PPARA: variants seen among roughly 807,000 people sequenced by gnomAD.
PPARA encodes the protein peroxisome proliferator activated receptor alpha.
A neutral mutation model predicts 42.2 loss-of-function variants in PPARA; 22 were observed. The ratio of observed to expected loss-of-function variants is 0.52; its 90% CI spans 0.37 to 0.74. The LOEUF (loss-of-function observed/expected upper bound fraction) is 0.74, where lower values mean the gene tolerates loss of function less well. Ranked by LOEUF, PPARA falls within the 30% of genes least tolerant of loss-of-function variation. The pLI, the probability that PPARA is intolerant of heterozygous loss-of-function variation, is 0.00. For missense variants in PPARA, 465 were observed against 608.2 expected, an observed-to-expected ratio of 0.76 and a Z score of 2.48; for synonymous variants, 242 against 239.3, an observed-to-expected ratio of 1.01 and a Z score of -0.10.
At position 46,215,218 on chromosome 22, in the gene PPARA, T is replaced by C. The variant is rs540063780; in HGVS notation, c.254T>C (p.Val85Ala). 3.1e-6 allele frequency: 5 copies of C among 1,614,162 alleles called. No homozygotes were observed. In the South Asian group the frequency reaches 5.5e-5, roughly 18 times the overall value. ...AGCCCCTCCTCGGTGACTTATCCTG[T>C]GGTCCCCGGCAGCGTGGACGAGTCT... ...ASSPSSVTYP[V>A]VPGSVDESPS... The change falls in exon 5 of 9, where the codon GTG (valine) becomes GCG (alanine). Residue 85 changes from valine to alanine, a missense_variant. Physicochemically the swap from Val to Ala is moderately conservative, Grantham distance 64 (BLOSUM62 0). Coordinates refer to ENST00000407236, the MANE Select transcript of PPARA (RefSeq NM_005036.6).
At position 46,235,853 on chromosome 22, in the gene PPARA, T is replaced by G. The variant is rs935544151; in HGVS notation, c.*473T>G. On this transcript the variant is annotated 3_prime_UTR_variant, in exon 9 of 9. Transcript: ENST00000407236. The surrounding 1 kb of genome is among the most constrained non-coding windows in gnomAD (Gnocchi z 7.0). ...TCTAGATGTATCCAAAGGTGAAGTA[T>G]GTAAAAAGCAGCAAAATATTTATTT... The G allele has an allele frequency of 5.9e-6, 1 of 169,412 alleles. No individual in the cohort carries two copies. The highest frequency in any genetic ancestry group is 5.6e-5 in the Admixed American group (1 of 17,808). The allele number at this position is 169,412 out of a possible 1,614,324, so 10.5% of individuals were successfully genotyped here.
Position 46,235,394 on chromosome 22 carries a change from A to C in PPARA, c.*14A>C. 2 of 1,612,730 alleles carry C rather than the reference A, an allele frequency of 1.2e-6. No individual in the cohort carries two copies. The highest frequency in any genetic ancestry group is 1.7e-6 in the Non-Finnish European group (2 of 1,179,682). ...GACATGTACTGAGTTCCTTCAGATC[A>C]GCCACACCTTTTCCAGGAGTTCTGA... On this transcript the variant is annotated 3_prime_UTR_variant, in exon 9 of 9. Coordinates refer to ENST00000407236, the MANE Select transcript of PPARA (RefSeq NM_005036.6). The surrounding 1 kb of genome is among the most constrained non-coding windows in gnomAD (Gnocchi z 7.0).
At chr22:46,158,636 C>G (rs1473947360) in intron 2 of PPARA, among the ~76,000 whole-genome samples, 1 of 152,124 alleles carries the variant, frequency 6.6e-6, no homozygotes, top group Non-Finnish European at 1.5e-5. Flanking sequence ...ACATGCAAAT[C>G]TTGATGATCT....
At position 46,232,239 on chromosome 22, in the gene PPARA, G is replaced by A. The variant is rs1224952928; in HGVS notation, c.1159G>A (p.Asp387Asn). 6.2e-7 allele frequency: 1 copy of A among 1,613,956 alleles called. No individual in the cohort carries two copies. Residue 387 changes from aspartate (D) to asparagine (N), a missense_variant and splice_region_variant, in exon 8 of 9, where the codon GAT becomes AAT. Around this residue, in one of 2 missense-constraint regions of PPARA, gnomAD observed 313 missense variants for 469.1 expected, o/e 0.67. Coordinates refer to ENST00000407236, the MANE Select transcript of PPARA (RefSeq NM_005036.6). The surrounding 1 kb of genome is among the most constrained non-coding windows in gnomAD (Gnocchi z 5.3). ...TGTGGCTGCTATCATTTGCTGTGGA[G>A]GTGAGTGGTTGATTTAATCTGCTGG... ...LFVAAIICCG[D>N]RPGLLNVGHI... is the part of the protein sequence containing the mutation.
chr22:46,153,130 G>C (rs1177417062), intron 2 of PPARA, among the ~76,000 whole-genome samples: 1 of 139,282 alleles, frequency 7.2e-6, no homozygotes, highest in Non-Finnish European at 1.6e-5. Context: ...ATTGACATTA[G>C]AAAAAAATGT....
chr22:46,184,014 C>T lies in PPARA; in HGVS notation c.-43+7178C>T, dbSNP rs1213363810. 1.3e-5 allele frequency among the ~76,000 whole-genome samples: 2 copies of T among 152,064 alleles called. No individual in the cohort carries two copies. The highest frequency in any genetic ancestry group is 2.4e-5 in the African/African-American group (1 of 41,404). ...AAGTAAACATAATGATAATGCCTGC[C>T]TCATGGGGTTGCTGTTACCAGGAAG... On this transcript the variant is annotated intron_variant, in intron 3 of 8. Transcript: ENST00000407236. The surrounding 1 kb of genome is among the most constrained non-coding windows in gnomAD (Gnocchi z 4.4).
At chr22:46,157,348 C>T (rs911634645) in intron 2 of PPARA, among the ~76,000 whole-genome samples, 4 of 152,134 alleles carry the variant, frequency 2.6e-5, no homozygotes, top group Admixed American at 2.0e-4. Flanking sequence ...GTGCAGACAG[C>T]GGCACCTACG....
In PPARA at chr22:46,180,808, C is replaced by T. The variant is rs766820526; in HGVS notation, c.-43+3972C>T. On this transcript the variant is annotated intron_variant, in intron 3 of 8. Transcript: ENST00000407236. This position sits in a 1 kb window ranked among gnomAD's most constrained non-coding sequence, Gnocchi z 4.2. ...TTTCCCACTACATTTTCTGGGGGCT[C>T]GTCCGGGATTGGAGATGGCAGATTT... Among the ~76,000 whole-genome samples the T allele has an allele frequency of 2.0e-5, 3 of 152,140 alleles. No individual in the cohort carries two copies. Among genetic ancestry groups the T allele is most frequent in the African/African-American group, 4.8e-5 (2 of 41,428 alleles).
In PPARA at chr22:46,216,789, G is replaced by A. The variant is rs916565750; in HGVS notation, c.369+1456G>A. ...GTCCTGCATGCTGCCAGCTGGACTG[G>A]TGGCCCTTCCGTGTTTGTCAGCGTG... On this transcript the variant is annotated intron_variant, in intron 5 of 8. Transcript: ENST00000407236. The surrounding 1 kb of genome is among the most constrained non-coding windows in gnomAD (Gnocchi z 4.5). Among the ~76,000 whole-genome samples, 2 of 152,194 alleles carry A rather than the reference G, an allele frequency of 1.3e-5. No homozygotes were observed. Among genetic ancestry groups the A allele is most frequent in the Admixed American group, 1.3e-4 (2 of 15,272 alleles).
In PPARA at chr22:46,200,949, C is replaced by T. The variant is rs985655491; in HGVS notation, c.208+2358C>T. ...AAAAAAAAGTTGGGGCGTGGTGGCTCATGCCTGTAATCCCAGCACTTTGGG... is the reference window on the plus strand; with the variant it reads ...AAAAAAAAGTTGGGGCGTGGTGGCTTATGCCTGTAATCCCAGCACTTTGGG... On this transcript the variant is annotated intron_variant, in intron 4 of 8. Transcript: ENST00000407236. This position sits in a 1 kb window ranked among gnomAD's most constrained non-coding sequence, Gnocchi z 4.8. Among the ~76,000 whole-genome samples, 1 of 151,544 alleles carries T rather than the reference C, an allele frequency of 6.6e-6. No homozygotes were observed. The highest frequency in any genetic ancestry group is 6.6e-5 in the Admixed American group (1 of 15,202).
In PPARA at chr22:46,182,224, A is replaced by T. The variant is rs1930064723; in HGVS notation, c.-43+5388A>T. ...CTCCTAAGTATTTGGCCAAGAAAAA[A>T]GAAAGCATATATTCCATACAGAGTC... On this transcript the variant is annotated intron_variant, in intron 3 of 8. Coordinates refer to ENST00000407236, the MANE Select transcript of PPARA (RefSeq NM_005036.6). The surrounding 1 kb of genome is among the most constrained non-coding windows in gnomAD (Gnocchi z 5.2). Among the ~76,000 whole-genome samples, 1 of 152,214 alleles carries T rather than the reference A, an allele frequency of 6.6e-6. No individual in the cohort carries two copies. Among genetic ancestry groups the T allele is most frequent in the African/African-American group, 2.4e-5 (1 of 41,458 alleles).
intron 4 of PPARA, among the ~76,000 whole-genome samples, chr22:46,208,698 A>G (rs1933632178): frequency 1.3e-5 from 2 of 151,872 alleles, no homozygotes; most frequent in African/African-American, 4.8e-5. Context: ...ACATCTCCCC[A>G]TTCCCTCCCT....
intron 2 of PPARA, among the ~76,000 whole-genome samples, chr22:46,157,370 G>A (rs1054340835): frequency 1.8e-4 from 28 of 152,232 alleles, no homozygotes; most frequent in African/African-American, 5.5e-4. Context: ...ATGATGGCCC[G>A]CTCCATCCCA....
At position 46,203,639 on chromosome 22, in the gene PPARA, GA is replaced by G. The variant is rs1279244079; in HGVS notation, c.208+5055del. Among the ~76,000 whole-genome samples, 1 of 152,148 alleles carries G rather than the reference GA, an allele frequency of 6.6e-6. No homozygotes were observed. The highest frequency in any genetic ancestry group is 2.4e-5 in the African/African-American group (1 of 41,444). Reference sequence around the variant, plus strand: ...GCAGTATTGGGCGAAAAGGAAAAAAGAAAAAAACTCTCAGCAAAGCTAGAGG... The same window carrying G: ...GCAGTATTGGGCGAAAAGGAAAAAAGAAAAAACTCTCAGCAAAGCTAGAGG... On this transcript the variant is annotated intron_variant, in intron 4 of 8. Coordinates refer to ENST00000407236, the MANE Select transcript of PPARA (RefSeq NM_005036.6). The surrounding 1 kb of genome is among the most constrained non-coding windows in gnomAD (Gnocchi z 5.8).
chr22:46,202,580 T>TA (rs1240442936), intron 4 of PPARA, among the ~76,000 whole-genome samples: 5 of 151,896 alleles, frequency 3.3e-5, no homozygotes, highest in East Asian at 1.9e-4. Context: ...CTACTAAAAA[T>TA]AAAAAAAATT....
chr22:46,217,944 C>T (rs1350177438), intron 5 of PPARA, among the ~76,000 whole-genome samples: 2 of 148,352 alleles, frequency 1.3e-5, no homozygotes, highest in African/African-American at 5.0e-5. Flanking sequence ...GATTGTCCTA[C>T]CTCAGCCTCC....
At chr22:46,181,584 G>T (rs1055640901) in intron 3 of PPARA, among the ~76,000 whole-genome samples, 3 of 152,150 alleles carry the variant, frequency 2.0e-5, no homozygotes, top group Admixed American at 1.3e-4. Flanking sequence ...ATGGAATTAA[G>T]TTGTCCCCCC....
rs905239585 is a variant in PPARA, at chr22:46,173,984, T to C, written c.-126-2769T>C. Reference sequence around the variant, plus strand: ...CTTTGGGAGGCCGAGGTGGGTGGATTGTGAGGTCAGGAGATCGAGACCCTC... The same window carrying C: ...CTTTGGGAGGCCGAGGTGGGTGGATCGTGAGGTCAGGAGATCGAGACCCTC... On this transcript the variant is annotated intron_variant, in intron 2 of 8. Coordinates refer to ENST00000407236, the MANE Select transcript of PPARA (RefSeq NM_005036.6). This position sits in a 1 kb window ranked among gnomAD's most constrained non-coding sequence, Gnocchi z 4.3. Among the ~76,000 whole-genome samples the C allele has an allele frequency of 9.3e-6, 1 of 108,100 alleles. No homozygotes were observed. The highest frequency in any genetic ancestry group is 4.6e-5 in the African/African-American group (1 of 21,520). 70.9% of individuals were successfully genotyped at this position (108,100 alleles called of 152,430 possible).
intron 2 of PPARA, among the ~76,000 whole-genome samples, chr22:46,168,074 C>T (rs912523904): frequency 4.0e-5 from 6 of 151,040 alleles, no homozygotes; most frequent in Admixed American, 2.0e-4. Context: ...AGAAAGCGAC[C>T]GGGCGCAGTG....
Sources: gnomAD v4.1 joint callset for allele counts (sites outside exome capture counted in the v4.1 genomes callset) on GRCh38, gnomAD v4.1.1 for gene constraint, gnomAD v4.1.1 regional missense constraint, Gnocchi (gnomAD v3.1) non-coding constraint, MANE v1.5 for transcripts, NCBI Gene and HGNC (gene_info 2026-07-23, HGNC 2026-07-21) for gene names.